Variants in SOX6 observed in about 807,000 individuals in gnomAD.
The protein encoded by SOX6 is transcription factor SOX-6.
In SOX6, 11 loss-of-function variants were observed where a neutral mutation model predicts 97.8. The observed-to-expected ratio is 0.11, with a 90% confidence interval of 0.07 to 0.19. The LOEUF is 0.19. SOX6 is among the 10% of genes least tolerant of loss of function. The probability of loss-of-function intolerance (pLI) is 1.00; values close to 1 mark genes in which losing one functional copy is unlikely to be tolerated. For missense variants in SOX6, 810 were observed against 1,039.5 expected, an observed-to-expected ratio of 0.78 and a Z score of 3.04; for synonymous variants, 360 against 371.4, an observed-to-expected ratio of 0.97 and a Z score of 0.35.
At chr11:16,630,002 G>T (rs561268707) in intron 3 of SOX6, among the ~76,000 whole-genome samples, 1 of 152,058 alleles carries the variant, frequency 6.6e-6, no homozygotes, top group South Asian at 2.1e-4. Flanking sequence ...TGTTAATCTA[G>T]CTAATGGTCT....
In SOX6 at chr11:16,067,306, C is replaced by T. The variant is rs527800451; in HGVS notation, c.1102-11405G>A. On this transcript the variant is annotated intron_variant, in intron 9 of 15. Coordinates refer to ENST00000683767, the MANE Select transcript of SOX6 (RefSeq NM_001367873.1). ...CAAATTTCATCTTGAATTGTAGTTCCCATAATCCCCATGTGTTGTGGAGGG... is the reference window on the plus strand; with the variant it reads ...CAAATTTCATCTTGAATTGTAGTTCTCATAATCCCCATGTGTTGTGGAGGG... Among the ~76,000 whole-genome samples, 3 of 152,192 alleles carry T rather than the reference C, an allele frequency of 2.0e-5. No homozygotes were observed. The South Asian group carries it at 6.2e-4, about 32-fold the overall frequency.
At chr11:15,977,124 T>G (rs983891421) in intron 15 of SOX6, among the ~76,000 whole-genome samples, 1 of 152,012 alleles carries the variant, frequency 6.6e-6, no homozygotes, top group Non-Finnish European at 1.5e-5. Context: ...GCCTGATCAA[T>G]CCCCCTCATT....
In SOX6 at chr11:16,132,448, G is replaced by GAAAGAAAGAA. The variant is rs1849829723; in HGVS notation, c.778-20535_778-20526dup. On this transcript the variant is annotated intron_variant, in intron 6 of 15. Transcript: ENST00000683767. Reference sequence around the variant, plus strand: ...AAGAAAGAAAGAAAGAAAGAAAAAAGAAAGAAAGAAAGAAAGAAAGAAAGA... The same window carrying GAAAGAAAGAA: ...AAGAAAGAAAGAAAGAAAGAAAAAAGAAAGAAAGAAAAAGAAAGAAAGAAAGAAAGAAAGA... 4.0e-5 allele frequency among the ~76,000 whole-genome samples: 3 copies of GAAAGAAAGAA among 74,134 alleles called. 1 individual carries two copies. Among genetic ancestry groups the GAAAGAAAGAA allele is most frequent in the African/African-American group, 1.8e-4 (3 of 16,448 alleles). 48.6% of individuals were successfully genotyped at this position (74,134 alleles called of 152,430 possible).
chr11:16,497,363 G>C (rs1481629514), intron 4 of SOX6, among the ~76,000 whole-genome samples: 2 of 152,072 alleles, frequency 1.3e-5, no homozygotes, highest in Non-Finnish European at 2.9e-5. Flanking sequence ...CACAAAGATG[G>C]GGAAAAAACA....
At chr11:16,055,625 G>A in intron 10 of SOX6, 127 bp downstream of exon 10, 1 of 1,067,862 alleles carries the variant, frequency 9.4e-7, no homozygotes, top group East Asian at 2.5e-5. Flanking sequence ...ACCATAAAGA[G>A]GGACATTTTG....
At chr11:16,625,189 C>T (rs1170751963) in intron 3 of SOX6, among the ~76,000 whole-genome samples, 3 of 152,148 alleles carry the variant, frequency 2.0e-5, no homozygotes, top group Non-Finnish European at 2.9e-5. Context: ...GTCTAAAAAA[C>T]AAATTCCATT....
At chr11:15,995,771 A>G (rs1309171458) in intron 13 of SOX6, among the ~76,000 whole-genome samples, 1 of 152,178 alleles carries the variant, frequency 6.6e-6, no homozygotes, top group Non-Finnish European at 1.5e-5. Context: ...CAAAATTACA[A>G]ATAAGGGCTG....
intron 3 of SOX6, among the ~76,000 whole-genome samples, chr11:16,636,416 T>C (rs1330051110): frequency 6.6e-6 from 1 of 152,244 alleles, no homozygotes; most frequent in Non-Finnish European, 1.5e-5. Flanking sequence ...CCACTGCCTG[T>C]ACCCTCATTG....
rs894438799 is a variant in SOX6 at position 16,258,844 on chromosome 11, C to CAT, written c.446-24175_446-24174dup. On this transcript the variant is annotated intron_variant, in intron 3 of 15. Transcript: ENST00000683767. ...ATACATGTATATACACACACACACA[C>CAT]ATATATATACATATATATACACACA... 2.6e-5 allele frequency among the ~76,000 whole-genome samples: 4 copies of CAT among 151,010 alleles called. No individual in the cohort carries two copies. The South Asian group carries it at 8.4e-4, about 32-fold the overall frequency.
chr11:16,491,137 C>CA (rs1336008632), intron 4 of SOX6, among the ~76,000 whole-genome samples: 1 of 151,988 alleles, frequency 6.6e-6, no homozygotes, highest in African/African-American at 2.4e-5. Context: ...AAAGAAAATT[C>CA]AAAAGAACCT....
At chr11:16,730,760 G>A (rs1347866697) in intron 2 of SOX6, among the ~76,000 whole-genome samples, 1 of 150,236 alleles carries the variant, frequency 6.7e-6, no homozygotes, top group East Asian at 1.9e-4. Context: ...AAGAACTGAA[G>A]GAGACAGAGA....
At chr11:16,617,294 A>G (rs1848483559) in intron 3 of SOX6, among the ~76,000 whole-genome samples, 1 of 151,884 alleles carries the variant, frequency 6.6e-6, no homozygotes, top group Non-Finnish European at 1.5e-5. Flanking sequence ...GTTTAAGATA[A>G]TAACAAATGA....
chr11:16,696,377 T>C (rs933774301), intron 3 of SOX6, among the ~76,000 whole-genome samples: 4 of 152,230 alleles, frequency 2.6e-5, no homozygotes, highest in Non-Finnish European at 5.9e-5. Flanking sequence ...TTATATAATT[T>C]CAAATTATCT....
intron 6 of SOX6, among the ~76,000 whole-genome samples, chr11:16,178,636 A>G (rs538744415): frequency 6.6e-6 from 1 of 152,040 alleles, no homozygotes; most frequent in East Asian, 1.9e-4. Flanking sequence ...GGAGTATCAT[A>G]TGTATGTACA....
intron 1 of SOX6, among the ~76,000 whole-genome samples, chr11:16,406,835 T>C (rs1590191426): frequency 1.3e-5 from 2 of 152,130 alleles, no homozygotes; most frequent in East Asian, 3.9e-4. Flanking sequence ...TTTTGTTCCA[T>C]TTTAACTAAT....
rs192184274 is a variant in SOX6 at position 16,251,297 on chromosome 11, T to A, written c.446-16626A>T. Among the ~76,000 whole-genome samples, 9 of 152,098 alleles carry A rather than the reference T, an allele frequency of 5.9e-5. No individual in the cohort carries two copies. The East Asian group carries it at 1.7e-3, about 29-fold the overall frequency. On this transcript the variant is annotated intron_variant, in intron 3 of 15. Transcript: ENST00000683767. ...AGCATCAGTGAAATAGAAACTGTAG[T>A]CTCACAGAGCAAAATAAGCAAAACT...
intron 4 of SOX6, among the ~76,000 whole-genome samples, chr11:16,506,001 G>A (rs973452091): frequency 2.6e-5 from 4 of 152,212 alleles, no homozygotes; most frequent in South Asian, 4.1e-4. Context: ...CCTCTACTAG[G>A]GCAGCATGGA....
chr11:16,679,145 G>A (rs972960297), intron 3 of SOX6, among the ~76,000 whole-genome samples: 38 of 152,302 alleles, frequency 2.5e-4, no homozygotes, highest in Non-Finnish European at 3.1e-4. Context: ...GAGAGTGGAC[G>A]GACTGCCTCC....
intron 13 of SOX6, among the ~76,000 whole-genome samples, chr11:16,005,340 C>T (rs141680763): frequency 2.0e-3 from 302 of 151,888 alleles, no homozygotes; most frequent in African/African-American, 6.8e-3. Context: ...CATCTCACAT[C>T]TCCGCAGTTC....
Sources: allele counts gnomAD v4.1 joint callset (sites outside exome capture counted in the v4.1 genomes callset), GRCh38; gene constraint gnomAD v4.1.1; transcripts MANE v1.5; gene names NCBI Gene and HGNC (gene_info 2026-07-23, HGNC 2026-07-21).